Variants in SCAPER observed in about 807,000 individuals in gnomAD.
The protein encoded by SCAPER is S phase cyclin A-associated protein in the endoplasmic reticulum.
SCAPER carries 98 observed loss-of-function variants against 182.2 expected under a neutral mutation model. That is an observed-to-expected ratio of 0.54 (90% CI 0.46 to 0.64). The LOEUF (loss-of-function observed/expected upper bound fraction) is 0.64. SCAPER is among the 30% of genes least tolerant of loss of function. The pLI is 0.00. For synonymous variants in SCAPER, 605 were observed against 564.6 expected (o/e 1.07, Z -1.01); for missense variants, 1,432 against 1,690.0 (o/e 0.85, Z 2.68).
At chr15:76,659,957 G>T (rs1036735400) in intron 21 of SCAPER, among the ~76,000 whole-genome samples, 1 of 152,154 alleles carries the variant, frequency 6.6e-6, no homozygotes, top group African/African-American at 2.4e-5. Context: ...GTTCATTGCA[G>T]CACTATTCAT....
At chr15:76,385,896 T>G (rs1287770262) in intron 27 of SCAPER, among the ~76,000 whole-genome samples, 1 of 152,220 alleles carries the variant, frequency 6.6e-6, no homozygotes, top group Non-Finnish European at 1.5e-5. Flanking sequence ...CACAGGCTAG[T>G]GGCTCAAACA....
intron 21 of SCAPER, among the ~76,000 whole-genome samples, chr15:76,643,947 T>A (rs895751738): frequency 1.3e-5 from 2 of 152,216 alleles, no homozygotes; most frequent in Non-Finnish European, 2.9e-5. Flanking sequence ...ATGATTGTGA[T>A]GCAGGATCTG....
intron 24 of SCAPER, among the ~76,000 whole-genome samples, chr15:76,479,163 G>T (rs1314069342): frequency 6.6e-6 from 1 of 152,054 alleles, no homozygotes; most frequent in East Asian, 1.9e-4. Context: ...ACTTTCTGAT[G>T]AGGAAAAAAA....
chr15:76,824,777 C>T (rs990114460), intron 5 of SCAPER, among the ~76,000 whole-genome samples: 1 of 152,100 alleles, frequency 6.6e-6, no homozygotes, highest in East Asian at 1.9e-4. Flanking sequence ...AAAAAGAATA[C>T]TTAATATCTT....
At position 76,623,172 on chromosome 15, in the gene SCAPER, TGAA is replaced by T. The variant is rs2052254607; in HGVS notation, c.2646-1346_2646-1344del. On this transcript the variant is annotated intron_variant, in intron 21 of 31. Coordinates refer to ENST00000563290, the MANE Select transcript of SCAPER (RefSeq NM_020843.4). ...ATTAAACCTTTGGATGCATAGTTTG[TGAA>T]ATACTTTCTCCCATTCTGTAGGTTA... 8.5e-5 allele frequency among the ~76,000 whole-genome samples: 13 copies of T among 152,360 alleles called. No individual in the cohort carries two copies. In the South Asian group the frequency reaches 2.7e-3, roughly 32 times the overall value.
intron 22 of SCAPER, among the ~76,000 whole-genome samples, chr15:76,621,123 A>G (rs1231609164): frequency 2.0e-5 from 3 of 152,160 alleles, no homozygotes; most frequent in African/African-American, 4.8e-5. Context: ...GCTAATGCAC[A>G]CTGCTTTTCA....
chr15:76,459,990 A>G (rs887835620), intron 25 of SCAPER, among the ~76,000 whole-genome samples: 9 of 151,952 alleles, frequency 5.9e-5, no homozygotes, highest in Non-Finnish European at 1.3e-4. Flanking sequence ...AAATAAGTGG[A>G]TTTATTTCTG....
rs1001210497 is a variant in SCAPER, at chr15:76,835,267, T to A, written c.393+6467A>T. On this transcript the variant is annotated intron_variant, in intron 5 of 31. Transcript: ENST00000563290. ...CCAATATCCCTGATGAACACAGATT[T>A]AAAAAAAAAGAAAGAAAAACAAAAC... Among the ~76,000 whole-genome samples, 88 of 150,340 alleles carry A rather than the reference T, an allele frequency of 5.9e-4. 1 individual carries two copies. The South Asian group carries it at 8.0e-3, about 14-fold the overall frequency.
At chr15:76,427,157 G>T (rs1399899927) in intron 26 of SCAPER, among the ~76,000 whole-genome samples, 5 of 152,078 alleles carry the variant, frequency 3.3e-5, no homozygotes, top group Non-Finnish European at 7.4e-5. Context: ...ATTGAGTCAG[G>T]CAAGGAGTTT....
intron 17 of SCAPER, among the ~76,000 whole-genome samples, chr15:76,713,745 A>G (rs1340507301): frequency 2.6e-5 from 4 of 152,006 alleles, no homozygotes; most frequent in African/African-American, 9.7e-5. Context: ...TAACCTGCAC[A>G]TTGTGCACAT....
intron 15 of SCAPER, among the ~76,000 whole-genome samples, chr15:76,751,349 G>A (rs192269041): frequency 9.2e-5 from 14 of 151,742 alleles, no homozygotes; most frequent in Middle Eastern, 3.4e-3. Context: ...AAATTCCAAT[G>A]ATGACTCTGC....
intron 8 of SCAPER, among the ~76,000 whole-genome samples, chr15:76,783,271 T>C (rs1218023732): frequency 1.3e-5 from 2 of 152,008 alleles, no homozygotes; most frequent in Admixed American, 1.3e-4. Context: ...ACAAATAAAC[T>C]AGAAAATCTA....
intron 27 of SCAPER, among the ~76,000 whole-genome samples, chr15:76,393,369 C>T (rs1397175593): frequency 4.6e-5 from 7 of 152,206 alleles, no homozygotes; most frequent in Admixed American, 1.3e-4. Flanking sequence ...TTCCACTTGC[C>T]TAGTCCTGTT....
At chr15:76,501,728 G>A (rs891399640) in intron 24 of SCAPER, among the ~76,000 whole-genome samples, 2 of 152,246 alleles carry the variant, frequency 1.3e-5, no homozygotes, top group East Asian at 3.8e-4. Flanking sequence ...GGTGGCAAAA[G>A]GTTCATGGAG....
intron 27 of SCAPER, 50 bp from the exon 28 acceptor site, chr15:76,381,665 A>T (rs2042949788): frequency 7.2e-7 from 1 of 1,397,032 alleles, no homozygotes; most frequent in Non-Finnish European, 9.9e-7. Flanking sequence ...AATGGATGTT[A>T]GCAATTTGTA....
At chr15:76,486,930 T>C (rs2143118656) in intron 24 of SCAPER, among the ~76,000 whole-genome samples, 1 of 152,160 alleles carries the variant, frequency 6.6e-6, no homozygotes, top group Admixed American at 6.5e-5. Context: ...AACAAAGACA[T>C]GGAATCAACC....
At chr15:76,737,722 G>A (rs1365425614) in intron 15 of SCAPER, among the ~76,000 whole-genome samples, 1 of 152,224 alleles carries the variant, frequency 6.6e-6, no homozygotes, top group African/African-American at 2.4e-5. Context: ...GTTTGGTGCA[G>A]CAGTCTTCAT....
At chr15:76,780,544 T>C (rs774476948) in intron 8 of SCAPER, among the ~76,000 whole-genome samples, 9 of 152,182 alleles carry the variant, frequency 5.9e-5, no homozygotes, top group Non-Finnish European at 1.3e-4. Context: ...AGCATGGCAT[T>C]TGAGCTCAGA....
chr15:76,580,719 C>G (rs1278751573), intron 22 of SCAPER, among the ~76,000 whole-genome samples: 1 of 151,884 alleles, frequency 6.6e-6, no homozygotes, highest in Non-Finnish European at 1.5e-5. Flanking sequence ...AGTAGAAAAA[C>G]TTCAAATAAA....
Sources: allele counts gnomAD v4.1 joint callset (sites outside exome capture counted in the v4.1 genomes callset), GRCh38; gene constraint gnomAD v4.1.1; transcripts MANE v1.5; gene names NCBI Gene and HGNC (gene_info 2026-07-23, HGNC 2026-07-21).